INPP4B: variants seen among roughly 807,000 people sequenced by gnomAD.
INPP4B encodes the protein inositol polyphosphate 4-phosphatase type II.
Under a neutral mutation model 122.5 loss-of-function variants are expected in INPP4B, and 55 were observed. The ratio of observed to expected loss-of-function variants is 0.45; its 90% CI spans 0.36 to 0.56. The LOEUF is 0.56. Ranked by LOEUF, INPP4B falls within the 20% of genes least tolerant of loss-of-function variation. The pLI, the probability that INPP4B is intolerant of heterozygous loss-of-function variation, is 0.00. For synonymous variants in INPP4B, 403 were observed against 388.7 expected (o/e 1.04, Z -0.43); for missense variants, 1,000 against 1,097.7 (o/e 0.91, Z 1.26).
chr4:142,802,080 C>T (rs1778070264), intron 1 of INPP4B, among the ~76,000 whole-genome samples: 1 of 152,074 alleles, frequency 6.6e-6, no homozygotes, highest in Non-Finnish European at 1.5e-5. Context: ...CGATCTCATC[C>T]TCCTCAAAGG....
intron 8 of INPP4B, among the ~76,000 whole-genome samples, chr4:142,307,186 T>C (rs1021063043): frequency 5.3e-5 from 8 of 152,138 alleles, no homozygotes; most frequent in Admixed American, 3.9e-4. Flanking sequence ...GGGTGACTTT[T>C]CAGCCAGGGG....
Position 142,145,907 on chromosome 4 carries a change from G to T in INPP4B, c.1653C>A (p.Gly551=). Residue 551 remains glycine (G), a synonymous_variant, in exon 18 of 26, where the codon GGC becomes GGA. Transcript: ENST00000262992. ...KLIERDGGSE[G]SGGNNDGEKE... ...TTTCTCCATCATTGTTGCCGCCACT[G>T]CCTTCACTGCCACCATCTCTTTCAA... 6.2e-7 allele frequency: 1 copy of T among 1,613,756 alleles called. No homozygotes were observed. Among genetic ancestry groups the T allele is most frequent in the Admixed American group, 1.7e-5 (1 of 60,008 alleles).
chr4:142,423,634 C>A, intron 5 of INPP4B: 1 of 264,080 alleles, frequency 3.8e-6, no homozygotes, highest in Non-Finnish European at 7.5e-6. Flanking sequence ...TGTACCAGTA[C>A]ATATTGTTGT....
intron 2 of INPP4B, among the ~76,000 whole-genome samples, chr4:142,583,977 C>T (rs1735637120): frequency 6.6e-6 from 1 of 151,976 alleles, no homozygotes; most frequent in Non-Finnish European, 1.5e-5. Flanking sequence ...TTTAAATCTT[C>T]TCTTCATCCC....
chr4:142,254,154 G>A (rs1038625501), intron 11 of INPP4B, among the ~76,000 whole-genome samples: 2 of 152,238 alleles, frequency 1.3e-5, no homozygotes, highest in East Asian at 3.9e-4. Flanking sequence ...CTGTCTGTTA[G>A]AAGGAAAACT....
intron 1 of INPP4B, among the ~76,000 whole-genome samples, chr4:142,842,694 T>TATATAATATATAA (rs1199001762): frequency 1.6e-5 from 2 of 128,190 alleles, no homozygotes; most frequent in African/African-American, 3.2e-5. Context: ...ATTAATATAA[T>TATATAATATATAA]ATATAATATA....
chr4:142,554,438 C>T (rs1164938910), intron 2 of INPP4B, among the ~76,000 whole-genome samples: 1 of 151,304 alleles, frequency 6.6e-6, no homozygotes, highest in Non-Finnish European at 1.5e-5. Flanking sequence ...TTGATCTCCT[C>T]AAATCAGTAG....
chr4:142,543,431 T>C (rs1367753511), intron 2 of INPP4B, among the ~76,000 whole-genome samples: 2 of 152,210 alleles, frequency 1.3e-5, no homozygotes, highest in Non-Finnish European at 2.9e-5. Context: ...CTTAATAATC[T>C]ATTATATTTG....
At chr4:142,682,045 G>T (rs537603516) in intron 2 of INPP4B, among the ~76,000 whole-genome samples, 1 of 151,900 alleles carries the variant, frequency 6.6e-6, no homozygotes, top group Admixed American at 6.6e-5. Flanking sequence ...TCTTCTAAGT[G>T]CTCTGTGAGT....
At chr4:142,156,627 C>T (rs917257150) in intron 17 of INPP4B, among the ~76,000 whole-genome samples, 3 of 152,066 alleles carry the variant, frequency 2.0e-5, no homozygotes, top group Admixed American at 6.6e-5. Flanking sequence ...CAGCAAATAA[C>T]AGACTTTTTT....
intron 3 of INPP4B, among the ~76,000 whole-genome samples, chr4:142,438,053 G>T (rs1810917070): frequency 6.6e-6 from 1 of 152,106 alleles, no homozygotes; most frequent in African/African-American, 2.4e-5. Context: ...AATACAAGGG[G>T]ACACAAATAA....
intron 2 of INPP4B, among the ~76,000 whole-genome samples, chr4:142,484,262 C>A (rs1474862624): frequency 6.6e-6 from 1 of 151,756 alleles, no homozygotes; most frequent in Non-Finnish European, 1.5e-5. Flanking sequence ...AGTATCAGGG[C>A]AAAGAAATAT....
At chr4:142,746,523 T>C (rs1768779813) in intron 1 of INPP4B, among the ~76,000 whole-genome samples, 1 of 152,106 alleles carries the variant, frequency 6.6e-6, no homozygotes. Flanking sequence ...AAAAAAATAC[T>C]TTAAATTTCA....
intron 24 of INPP4B, 121 bp from the exon 25 acceptor site, chr4:142,082,306 G>C: frequency 2.6e-6 from 2 of 768,438 alleles, no homozygotes; most frequent in Non-Finnish European, 3.9e-6. Context: ...GTTAGTTTAT[G>C]ATAGTCAATT....
At chr4:142,643,502 C>T (rs2030577865) in intron 2 of INPP4B, among the ~76,000 whole-genome samples, 1 of 152,172 alleles carries the variant, frequency 6.6e-6, no homozygotes, top group African/African-American at 2.4e-5. Context: ...CGCTGGCAAT[C>T]TTGACCTGAT....
At chr4:142,330,625 A>G (rs886113630) in intron 7 of INPP4B, among the ~76,000 whole-genome samples, 1 of 152,148 alleles carries the variant, frequency 6.6e-6, no homozygotes, top group Non-Finnish European at 1.5e-5. Flanking sequence ...AAATGTCAAA[A>G]TGTTCCTGTT....
chr4:142,621,522 G>C (rs993978177), intron 2 of INPP4B, among the ~76,000 whole-genome samples: 3 of 151,862 alleles, frequency 2.0e-5, no homozygotes, highest in Non-Finnish European at 2.9e-5. Flanking sequence ...ACTAATATAA[G>C]AGATAAATTC....
At chr4:142,115,794 C>T (rs978191598) in intron 21 of INPP4B, among the ~76,000 whole-genome samples, 1 of 152,112 alleles carries the variant, frequency 6.6e-6, no homozygotes, top group Non-Finnish European at 1.5e-5. Flanking sequence ...ATGACAGGAT[C>T]AAATTCACAT....
intron 1 of INPP4B, among the ~76,000 whole-genome samples, chr4:142,802,766 A>C (rs1778165984): frequency 6.6e-6 from 1 of 151,224 alleles, no homozygotes. Context: ...TTCCTCTTTC[A>C]GTTTCTTTTT....
Sources: allele counts gnomAD v4.1 joint callset (sites outside exome capture counted in the v4.1 genomes callset), GRCh38; gene constraint gnomAD v4.1.1; transcripts MANE v1.5; gene names NCBI Gene and HGNC (gene_info 2026-07-23, HGNC 2026-07-21).